Variants in FAT3 observed in about 807,000 individuals in gnomAD.
FAT3 encodes protocadherin Fat 3.
In FAT3, 95 loss-of-function variants were observed where a neutral mutation model predicts 310.2. That is an observed-to-expected ratio of 0.31 (90% CI 0.26 to 0.36). FAT3 has a LOEUF of 0.36. FAT3 is among the 10% of genes least tolerant of loss of function. FAT3 has a pLI of 1.00. For synonymous variants in FAT3, 2,314 were observed against 2,192.9 expected (o/e 1.06, Z -1.54); for missense variants, 5,408 against 5,715.6 (o/e 0.95, Z 1.74).
chr11:92,632,935 G>A (rs1420818513), intron 3 of FAT3, among the ~76,000 whole-genome samples: 1 of 152,206 alleles, frequency 6.6e-6, no homozygotes, highest in Non-Finnish European at 1.5e-5. Context: ...AGTGGCTCAT[G>A]TGCTATGGAA....
At chr11:92,466,660 C>A (rs1361526000) in intron 2 of FAT3, among the ~76,000 whole-genome samples, 5 of 150,892 alleles carry the variant, frequency 3.3e-5, no homozygotes, top group East Asian at 2.0e-4. Context: ...TATACATGTG[C>A]CATGCTGGTG....
chr11:92,753,798 G>GTGTATATATATATATATATATATA lies in FAT3; in HGVS notation c.3670-8057_3670-8056insGTATATATATATATATATATATAT. ...GGTGTGTGTGTGTGTGTGTGTGTGT[G>GTGTATATATATATATATATATATA]TATATATATATGGTGGAATACTACT... On this transcript the variant is annotated intron_variant, in intron 4 of 27. Transcript: ENST00000525166. Among the ~76,000 whole-genome samples the GTGTATATATATATATATATATATA allele has an allele frequency of 1.4e-3, 169 of 119,120 alleles. 1 individual carries two copies. Among genetic ancestry groups the GTGTATATATATATATATATATATA allele is most frequent in the South Asian group, 4.5e-3 (18 of 4,038 alleles). 78.1% of individuals were successfully genotyped at this position (119,120 alleles called of 152,430 possible). A position where few individuals can be genotyped will look rare whatever the true frequency, so the allele number is the denominator to read the frequency against.
intron 2 of FAT3, among the ~76,000 whole-genome samples, chr11:92,512,920 A>G (rs1953349493): frequency 1.0e-5 from 1 of 99,760 alleles, no homozygotes; most frequent in Non-Finnish European, 2.0e-5. Flanking sequence ...CAGGAGATCG[A>G]GACCATCCTG....
intron 2 of FAT3, among the ~76,000 whole-genome samples, chr11:92,491,592 T>G (rs974279425): frequency 4.6e-5 from 7 of 152,090 alleles, no homozygotes; most frequent in African/African-American, 1.7e-4. Context: ...GTGCTGTATA[T>G]GTAGGAATTT....
At chr11:92,791,141 A>T (rs1438297441) in intron 8 of FAT3, among the ~76,000 whole-genome samples, 1 of 152,180 alleles carries the variant, frequency 6.6e-6, no homozygotes, top group African/African-American at 2.4e-5. Context: ...GTTTCCAGCT[A>T]AGACTCCAGG....
intron 13 of FAT3, among the ~76,000 whole-genome samples, chr11:92,812,885 C>T (rs1021141347): frequency 6.6e-6 from 1 of 152,136 alleles, no homozygotes; most frequent in Non-Finnish European, 1.5e-5. Context: ...TCCATAATCC[C>T]CATGTGTCGT....
intron 2 of FAT3, among the ~76,000 whole-genome samples, chr11:92,506,339 C>G (rs1953099330): frequency 6.6e-6 from 1 of 152,104 alleles, no homozygotes; most frequent in Non-Finnish European, 1.5e-5. Flanking sequence ...CTCTTTGCTG[C>G]TAGCTTTTCC....
At chr11:92,255,873 G>A (rs538440252) in intron 1 of FAT3, among the ~76,000 whole-genome samples, 2 of 152,200 alleles carry the variant, frequency 1.3e-5, no homozygotes, top group African/African-American at 4.8e-5. Flanking sequence ...AGGTAACAGG[G>A]CCTTTGTTAT....
intron 5 of FAT3, among the ~76,000 whole-genome samples, chr11:92,762,451 C>T (rs1479651477): frequency 6.6e-6 from 1 of 152,150 alleles, no homozygotes; most frequent in Non-Finnish European, 1.5e-5. Context: ...CTTTCTGCAG[C>T]CCTAAATCAT....
At chr11:92,569,752 T>C (rs773608568) in intron 3 of FAT3, among the ~76,000 whole-genome samples, 3 of 152,178 alleles carry the variant, frequency 2.0e-5, no homozygotes, top group Non-Finnish European at 2.9e-5. Flanking sequence ...CCTTTACTTG[T>C]ATCATTTTGC....
At chr11:92,728,100 A>G (rs1266254365) in intron 4 of FAT3, among the ~76,000 whole-genome samples, 2 of 151,992 alleles carry the variant, frequency 1.3e-5, no homozygotes, top group Non-Finnish European at 2.9e-5. Flanking sequence ...TCTCATCCCA[A>G]ATACCATCTT....
At position 92,800,885 on chromosome 11, in the gene FAT3, C is replaced by T. The variant is rs1222441400; in HGVS notation, c.7872C>T (p.Ala2624=). 1.9e-6 allele frequency: 3 copies of T among 1,613,198 alleles called. No homozygotes were observed. Among genetic ancestry groups the T allele is most frequent in the Non-Finnish European group, 2.5e-6 (3 of 1,179,628 alleles). The change falls in exon 10 of 28, where the codon GCC becomes GCT. Residue 2624 remains alanine, a synonymous_variant. Transcript: ENST00000525166. ...GRGHLVTQVQ[A]IDPDDGANSR... ...GCCACTTGGTCACTCAAGTTCAAGC[C>T]ATAGATCCCGATGATGGAGCAAATT...
chr11:92,413,919 T>G (rs900386821), intron 2 of FAT3, among the ~76,000 whole-genome samples: 1 of 152,158 alleles, frequency 6.6e-6, no homozygotes, highest in Admixed American at 6.5e-5. Flanking sequence ...CCCCTAATTC[T>G]GGGATCTGTG....
At chr11:92,351,292 AAAGT>A (rs1366160628) in intron 1 of FAT3, among the ~76,000 whole-genome samples, 1 of 152,192 alleles carries the variant, frequency 6.6e-6, no homozygotes, top group African/African-American at 2.4e-5. Context: ...GATCAGTTTA[AAAGT>A]AAGCACAATA....
intron 3 of FAT3, among the ~76,000 whole-genome samples, chr11:92,656,557 A>G (rs531529451): frequency 5.4e-4 from 82 of 152,188 alleles, no homozygotes; most frequent in Non-Finnish European, 9.6e-4. Context: ...TTTCCACTAC[A>G]ATGGCTTAGA....
At chr11:92,703,183 T>C (rs1944154713) in intron 4 of FAT3, among the ~76,000 whole-genome samples, 1 of 152,250 alleles carries the variant, frequency 6.6e-6, no homozygotes, top group South Asian at 2.1e-4. Context: ...AATATTGTTC[T>C]TTATTAAGTT....
At chr11:92,757,531 TCGAAGGG>T (rs1946035433) in intron 4 of FAT3, among the ~76,000 whole-genome samples, 1 of 152,168 alleles carries the variant, frequency 6.6e-6, no homozygotes, top group Non-Finnish European at 1.5e-5. Flanking sequence ...ATGGGCTAAT[TCGAAGGG>T]AGGTTTCAGG....
intron 3 of FAT3, among the ~76,000 whole-genome samples, chr11:92,619,718 C>A (rs1940993848): frequency 6.6e-6 from 1 of 151,602 alleles, no homozygotes; most frequent in Admixed American, 6.6e-5. Flanking sequence ...TTTCTCATTT[C>A]TGATTTTAGC....
At chr11:92,625,600 A>G (rs1565467583) in intron 3 of FAT3, among the ~76,000 whole-genome samples, 2 of 152,286 alleles carry the variant, frequency 1.3e-5, no homozygotes, top group Non-Finnish European at 1.5e-5. Flanking sequence ...TAGCAGCTAC[A>G]TACACACAGA....
Sources: gnomAD v4.1 joint callset for allele counts (sites outside exome capture counted in the v4.1 genomes callset) on GRCh38, gnomAD v4.1.1 for gene constraint, MANE v1.5 for transcripts, NCBI Gene and HGNC (gene_info 2026-07-23, HGNC 2026-07-21) for gene names.